The following SPAG16 variants were observed in gnomAD, a reference collection of about 807,000 sequenced individuals.
The protein encoded by SPAG16 is sperm associated antigen 16.
SPAG16 carries 86 observed loss-of-function variants against 80.4 expected under a neutral mutation model. That is an observed-to-expected ratio of 1.07 (90% CI 0.90 to 1.28). The LOEUF is 1.28. Among genes scored for constraint, SPAG16 ranks in the 50% most tolerant of loss-of-function variants. The pLI is 0.00. For synonymous variants in SPAG16, 294 were observed against 265.9 expected (o/e 1.11, Z -1.03); for missense variants, 870 against 765.3 (o/e 1.14, Z -1.61).
At chr2:214,235,097 T>A (rs1688985526) in intron 15 of SPAG16, among the ~76,000 whole-genome samples, 1 of 151,908 alleles carries the variant, frequency 6.6e-6, no homozygotes, top group Admixed American at 6.6e-5. Context: ...GATGGATTAA[T>A]AAGTTAATGT....
chr2:214,247,895 GTATGCACC>G (rs1576589559), intron 15 of SPAG16, among the ~76,000 whole-genome samples: 1 of 152,004 alleles, frequency 6.6e-6, no homozygotes, highest in East Asian at 1.9e-4. Flanking sequence ...GGGCACGGTG[GTATGCACC>G]TATAATCCAA....
chr2:213,993,795 T>C (rs2046391714), intron 12 of SPAG16, among the ~76,000 whole-genome samples: 1 of 152,216 alleles, frequency 6.6e-6, no homozygotes. Context: ...ATGGCATATG[T>C]AAATCTACCA....
At chr2:213,588,945 A>G (rs115752331) in intron 10 of SPAG16, among the ~76,000 whole-genome samples, 3,286 of 150,892 alleles carry the variant, frequency 0.022, 53 homozygotes, top group Middle Eastern at 0.051. Context: ...TTGCTGGTTT[A>G]GAAAAATCAG....
intron 15 of SPAG16, among the ~76,000 whole-genome samples, chr2:214,358,261 C>T (rs1262218468): frequency 2.6e-5 from 4 of 151,820 alleles, no homozygotes; most frequent in Non-Finnish European, 5.9e-5. Context: ...CTTGCATCTA[C>T]CCAAGCTTGG....
At chr2:214,115,876 CAAAAAAA>C (rs34111831) in intron 14 of SPAG16, among the ~76,000 whole-genome samples, 1 of 66,134 alleles carries the variant, frequency 1.5e-5, no homozygotes, top group African/African-American at 5.7e-5. Flanking sequence ...GACTCCATCT[CAAAAAAA>C]AAAAAAAAAA....
chr2:214,132,107 AAAAT>A (rs2054811689), intron 14 of SPAG16, among the ~76,000 whole-genome samples: 1 of 152,234 alleles, frequency 6.6e-6, no homozygotes, highest in Non-Finnish European at 1.5e-5. Context: ...TGCTCTAAAA[AAAAT>A]AAAGACTTTA....
At chr2:213,852,507 A>C (rs562260756) in intron 10 of SPAG16, among the ~76,000 whole-genome samples, 2 of 152,146 alleles carry the variant, frequency 1.3e-5, no homozygotes, top group Non-Finnish European at 2.9e-5. Flanking sequence ...TGTTCTCTTC[A>C]GTCACCTCGG....
chr2:213,417,789 A>G (rs2069345053), intron 9 of SPAG16, among the ~76,000 whole-genome samples: 5 of 152,116 alleles, frequency 3.3e-5, no homozygotes, highest in South Asian at 2.1e-4. Context: ...GTAAATGTAT[A>G]TGTAATCATG....
At chr2:213,777,403 C>T (rs965384709) in intron 10 of SPAG16, among the ~76,000 whole-genome samples, 3 of 151,248 alleles carry the variant, frequency 2.0e-5, no homozygotes, top group East Asian at 1.9e-4. Flanking sequence ...TGTACCACAA[C>T]GCCCAACTAA....
chr2:213,378,705 T>C (rs2125227501), intron 9 of SPAG16, among the ~76,000 whole-genome samples: 1 of 152,352 alleles, frequency 6.6e-6, no homozygotes, highest in Middle Eastern at 3.4e-3. Flanking sequence ...ATTACTACCT[T>C]GTTCTATCTA....
chr2:213,562,422 A>G (rs779846732), intron 10 of SPAG16, among the ~76,000 whole-genome samples: 5 of 152,150 alleles, frequency 3.3e-5, no homozygotes, highest in Non-Finnish European at 5.9e-5. Context: ...TTTCTGGAAA[A>G]TACAAATATG....
chr2:213,397,067 C>G (rs960930658), intron 9 of SPAG16, among the ~76,000 whole-genome samples: 7 of 152,286 alleles, frequency 4.6e-5, no homozygotes, highest in African/African-American at 1.7e-4. Flanking sequence ...GATAGTTTCC[C>G]CTGCATCCAT....
intron 11 of SPAG16, among the ~76,000 whole-genome samples, chr2:213,925,904 A>T (rs10195465): frequency 1.3e-5 from 2 of 151,576 alleles, no homozygotes; most frequent in Non-Finnish European, 2.9e-5. Context: ...TTTTTTTCTT[A>T]TAATTCTTAT....
intron 10 of SPAG16, among the ~76,000 whole-genome samples, chr2:213,840,472 AAAC>A (rs1165900889): frequency 2.0e-5 from 3 of 152,220 alleles, no homozygotes; most frequent in Admixed American, 6.5e-5. Context: ...AATGAGAAAT[AAAC>A]AAAATATTTG....
At chr2:213,772,670 G>T (rs1409443787) in intron 10 of SPAG16, among the ~76,000 whole-genome samples, 2 of 151,964 alleles carry the variant, frequency 1.3e-5, no homozygotes, top group East Asian at 3.9e-4. Context: ...CTTAATGTCA[G>T]GTAGATTAAT....
intron 15 of SPAG16, among the ~76,000 whole-genome samples, chr2:214,396,897 C>T (rs568884257): frequency 2.6e-5 from 4 of 151,702 alleles, no homozygotes; most frequent in Non-Finnish European, 5.9e-5. Context: ...TGATAAATAG[C>T]CCTTAAAAAA....
intron 6 of SPAG16, among the ~76,000 whole-genome samples, chr2:213,341,635 A>C (rs1274931783): frequency 2.6e-5 from 4 of 152,240 alleles, no homozygotes; most frequent in African/African-American, 9.6e-5. Flanking sequence ...GGGTTCAAGC[A>C]GTCCTTCCGC....
At chr2:213,316,057 T>C (rs577329163) in intron 4 of SPAG16, among the ~76,000 whole-genome samples, 1 of 152,002 alleles carries the variant, frequency 6.6e-6, no homozygotes, top group Non-Finnish European at 1.5e-5. Flanking sequence ...AAATTTAAAT[T>C]GCCAACCCTG....
intron 11 of SPAG16, among the ~76,000 whole-genome samples, chr2:213,897,080 T>C (rs1463549934): frequency 6.6e-6 from 1 of 152,156 alleles, no homozygotes; most frequent in Admixed American, 6.6e-5. Context: ...ATTTGAATAG[T>C]TCCAGCAGAA....
Sources: allele counts gnomAD v4.1 joint callset (sites outside exome capture counted in the v4.1 genomes callset), GRCh38; gene constraint gnomAD v4.1.1; transcripts MANE v1.5; gene names NCBI Gene and HGNC (gene_info 2026-07-23, HGNC 2026-07-21).